Variants in TLN2 observed in about 807,000 individuals in gnomAD.
TLN2 encodes talin-2.
Under a neutral mutation model 294.7 loss-of-function variants are expected in TLN2, and 118 were observed. The ratio of observed to expected loss-of-function variants is 0.40; its 90% CI spans 0.34 to 0.47. TLN2 has a LOEUF of 0.47. TLN2 is among the 20% of genes least tolerant of loss of function. The pLI, the probability that TLN2 is intolerant of heterozygous loss-of-function variation, is 0.84. For missense variants in TLN2, 3,083 were observed against 3,282.2 expected (o/e 0.94, Z 1.48); for synonymous variants, 1,431 against 1,304.5 (o/e 1.10, Z -2.09).
At position 62,736,968 on chromosome 15, in the gene TLN2, C is replaced by T. The variant is rs773501235; in HGVS notation, c.3449C>T (p.Ala1150Val). The change falls in exon 29 of 59, where the codon GCC becomes GTC. Residue 1150 changes from alanine to valine, a missense_variant. By Grantham distance (64) the Ala-to-Val change is moderately conservative (BLOSUM62 0). Transcript: ENST00000636159. ...VAASTTDPAA[A>V]HAMLDSARDV... is the part of the protein sequence containing the mutation. ...GCATCGACAACCGACCCCGCGGCCG[C>T]CCATGCCATGTTAGATTCTGCTCGA... 6.2e-6 allele frequency: 10 copies of T among 1,614,098 alleles called. No individual in the cohort carries two copies. The highest frequency in any genetic ancestry group is 2.5e-6 in the Non-Finnish European group (3 of 1,180,058).
At chr15:62,824,166 A>G (rs916235498) in intron 54 of TLN2, 1 of 337,088 alleles carries the variant, frequency 3.0e-6, no homozygotes, top group African/African-American at 2.2e-5. Flanking sequence ...TTCTTATAGC[A>G]TTTGAGACCT....
intron 1 of TLN2, among the ~76,000 whole-genome samples, chr15:62,468,066 A>G (rs1014863593): frequency 1.3e-5 from 2 of 152,150 alleles, no homozygotes; most frequent in African/African-American, 4.8e-5. Flanking sequence ...TTTTCCTTCC[A>G]TCCTTTTGGT....
intron 37 of TLN2, among the ~76,000 whole-genome samples, chr15:62,761,306 C>A (rs2062648957): frequency 6.6e-6 from 1 of 152,154 alleles, no homozygotes. Flanking sequence ...AAAATGAAGG[C>A]AAAGATCCCA....
In TLN2 at chr15:62,836,220, G is replaced by A. The variant is rs191841237; in HGVS notation, c.7374+147G>A. Reference sequence around the variant, plus strand: ...CGTTCCAGCCTCATCTACTGCGTGCGTCCATGCATCCTCCACTGCTGCCCC... The same window carrying A: ...CGTTCCAGCCTCATCTACTGCGTGCATCCATGCATCCTCCACTGCTGCCCC... On this transcript the variant is annotated intron_variant, in intron 57 of 58. Coordinates refer to ENST00000636159, the MANE Select transcript of TLN2 (RefSeq NM_015059.3). 5.5e-5 allele frequency: 60 copies of A among 1,096,226 alleles called. No individual in the cohort carries two copies. In the Middle Eastern group the frequency reaches 1.8e-3, roughly 32 times the overall value. 67.9% of individuals were successfully genotyped at this position (1,096,226 alleles called of 1,614,324 possible).
In TLN2 at chr15:62,752,405, G is replaced by A. The variant is rs1250476544; in HGVS notation, c.4310G>A (p.Gly1437Glu). 1 of 1,614,030 alleles carries A rather than the reference G, an allele frequency of 6.2e-7. No homozygotes were observed. Among genetic ancestry groups the A allele is most frequent in the African/African-American group, 1.3e-5 (1 of 74,928 alleles). ...CVGIASKALC[G>E]LTEAAAQAAY... is the part of the protein sequence containing the mutation. Reference sequence around the variant, plus strand: ...GGGATTGCATCCAAGGCTCTCTGTGGGCTGACAGAGGCTGCAGCCCAGGTA... The same window carrying A: ...GGGATTGCATCCAAGGCTCTCTGTGAGCTGACAGAGGCTGCAGCCCAGGTA... The change falls in exon 35 of 59, where the codon GGG becomes GAG. Residue 1437 changes from glycine (G) to glutamate (E), a missense_variant. Physicochemically the swap from Gly to Glu is moderately conservative, Grantham distance 98 (BLOSUM62 -2). Coordinates refer to ENST00000636159, the MANE Select transcript of TLN2 (RefSeq NM_015059.3).
intron 1 of TLN2, among the ~76,000 whole-genome samples, chr15:62,393,901 A>G (rs533058740): frequency 1.5e-4 from 22 of 147,692 alleles, no homozygotes; most frequent in Middle Eastern, 6.8e-3. Flanking sequence ...TCAGCCTTCC[A>G]AGTAGCTGGG....
intron 45 of TLN2, 175 bp downstream of exon 45, chr15:62,784,065 T>C: frequency 8.7e-7 from 1 of 1,152,910 alleles, no homozygotes; most frequent in Non-Finnish European, 1.2e-6. Flanking sequence ...CAGGCTGTAC[T>C]CAAGTCTCAC....
At chr15:62,703,420 T>C (rs1234433412) in intron 19 of TLN2, among the ~76,000 whole-genome samples, 1 of 152,064 alleles carries the variant, frequency 6.6e-6, no homozygotes, top group Non-Finnish European at 1.5e-5. Context: ...TTTTTGTTAA[T>C]GTGCTGGACA....
chr15:62,571,946 G>GTAA (rs2043899808), intron 1 of TLN2, among the ~76,000 whole-genome samples: 1 of 152,196 alleles, frequency 6.6e-6, no homozygotes, highest in African/African-American at 2.4e-5. Context: ...GCCTCTTCAT[G>GTAA]TAATCAAAAT....
intron 1 of TLN2, among the ~76,000 whole-genome samples, chr15:62,524,180 C>G (rs948048366): frequency 6.6e-6 from 1 of 152,188 alleles, no homozygotes; most frequent in Non-Finnish European, 1.5e-5. Flanking sequence ...TGGGCTATTC[C>G]AGCATTCCTG....
chr15:62,566,015 A>G (rs536693539), intron 1 of TLN2, among the ~76,000 whole-genome samples: 14 of 152,080 alleles, frequency 9.2e-5, no homozygotes, highest in African/African-American at 3.4e-4. Flanking sequence ...TTGTGAGGAA[A>G]AGCAAGGTAA....
chr15:62,446,133 A>G (rs2035810086), intron 1 of TLN2, among the ~76,000 whole-genome samples: 1 of 151,812 alleles, frequency 6.6e-6, no homozygotes, highest in South Asian at 2.1e-4. Context: ...CAGCCTCTAG[A>G]GTAGCTGAGA....
chr15:62,649,266 CTTTTTCTGTTG>C (rs1181937816), intron 4 of TLN2, among the ~76,000 whole-genome samples: 2 of 150,468 alleles, frequency 1.3e-5, no homozygotes, highest in Admixed American at 1.3e-4. Context: ...TTTCTGTTCC[CTTTTTCTGTTG>C]TTTTTCTGTC....
intron 1 of TLN2, among the ~76,000 whole-genome samples, chr15:62,486,105 T>C (rs1267955856): frequency 2.0e-5 from 3 of 152,224 alleles, no homozygotes; most frequent in African/African-American, 2.4e-5. Flanking sequence ...CTGTATTACA[T>C]ACTGTTTTCT....
intron 1 of TLN2, among the ~76,000 whole-genome samples, chr15:62,456,164 G>A (rs1007776331): frequency 6.6e-6 from 1 of 151,968 alleles, no homozygotes; most frequent in African/African-American, 2.4e-5. Flanking sequence ...TGCTTCTCCA[G>A]CCTTCCTTTT....
chr15:62,618,227 C>T (rs1023900025), intron 2 of TLN2, 124 bp from the exon 3 acceptor site: 2 of 152,190 alleles, frequency 1.3e-5, no homozygotes, highest in Non-Finnish European at 1.5e-5. Flanking sequence ...ACATTTTCTC[C>T]TATTCTTTCA....
At chr15:62,813,067 G>A (rs1312183991) in intron 52 of TLN2, among the ~76,000 whole-genome samples, 3 of 152,232 alleles carry the variant, frequency 2.0e-5, no homozygotes, top group African/African-American at 7.2e-5. Flanking sequence ...CATGGAGGCT[G>A]GAGATCGGAA....
At chr15:62,543,184 C>A (rs2041798231) in intron 1 of TLN2, among the ~76,000 whole-genome samples, 1 of 152,200 alleles carries the variant, frequency 6.6e-6, no homozygotes, top group African/African-American at 2.4e-5. Flanking sequence ...TGTTTAATAG[C>A]TTCTCTGTTG....
intron 7 of TLN2, 62 bp downstream of exon 7, chr15:62,653,376 C>T: frequency 6.5e-7 from 1 of 1,534,744 alleles, no homozygotes; most frequent in Non-Finnish European, 8.7e-7. Flanking sequence ...TCACTTCCCT[C>T]CCACCATCCA....
Sources: allele counts gnomAD v4.1 joint callset (sites outside exome capture counted in the v4.1 genomes callset), GRCh38; gene constraint gnomAD v4.1.1; transcripts MANE v1.5; gene names NCBI Gene and HGNC (gene_info 2026-07-23, HGNC 2026-07-21).